Variants in PAG1 observed in about 807,000 individuals in gnomAD.
PAG1 encodes the protein phosphoprotein membrane anchor with glycosphingolipid microdomains 1, also known as phosphoprotein associated with glycosphingolipid-enriched microdomains 1.
PAG1 carries 23 observed loss-of-function variants against 31.7 expected under a neutral mutation model. That is an observed-to-expected ratio of 0.73 (90% CI 0.52 to 1.03). The LOEUF (loss-of-function observed/expected upper bound fraction) is 1.03, where lower values mean the gene tolerates loss of function less well. PAG1 is among the 50% of genes least tolerant of loss of function. The pLI is 0.00. For missense variants in PAG1, 473 were observed against 540.7 expected (o/e 0.87, Z 1.24); for synonymous variants, 214 against 210.3 (o/e 1.02, Z -0.15).
chr8:81,026,746 TCTTC>T (rs1458209493), intron 3 of PAG1, among the ~76,000 whole-genome samples: 4 of 152,130 alleles, frequency 2.6e-5, no homozygotes, highest in Non-Finnish European at 4.4e-5. Context: ...CACGAAGGTG[TCTTC>T]CAGGGACCTG....
intron 1 of PAG1, among the ~76,000 whole-genome samples, chr8:81,104,924 A>G (rs902502715): frequency 2.0e-5 from 3 of 152,146 alleles, no homozygotes; most frequent in African/African-American, 7.2e-5. Flanking sequence ...AAGTGGCTCC[A>G]GCCTCCGCTC....
chr8:81,022,902 T>G (rs1808214435), intron 3 of PAG1, among the ~76,000 whole-genome samples: 1 of 152,138 alleles, frequency 6.6e-6, no homozygotes, highest in Non-Finnish European at 1.5e-5. Context: ...TTAATCTCCC[T>G]TCTGCAACTG....
intron 2 of PAG1, among the ~76,000 whole-genome samples, chr8:81,066,312 G>A (rs1809006323): frequency 6.6e-6 from 1 of 152,200 alleles, no homozygotes; most frequent in Non-Finnish European, 1.5e-5. Context: ...TTTTACACTT[G>A]CAAGCATCGC....
chr8:81,024,810 G>A (rs1250643218), intron 3 of PAG1, among the ~76,000 whole-genome samples: 3 of 152,106 alleles, frequency 2.0e-5, no homozygotes, highest in Non-Finnish European at 4.4e-5. Flanking sequence ...TAACCATGAA[G>A]GATTTCACAG....
chr8:81,109,135 C>A (rs1366570779), intron 1 of PAG1, among the ~76,000 whole-genome samples: 1 of 152,206 alleles, frequency 6.6e-6, no homozygotes, highest in East Asian at 1.9e-4. Flanking sequence ...CAACAGAATC[C>A]ACTTCAAATT....
At chr8:81,077,674 G>C (rs1010717367) in intron 1 of PAG1, among the ~76,000 whole-genome samples, 1 of 152,166 alleles carries the variant, frequency 6.6e-6, no homozygotes. Flanking sequence ...GGATATAAAA[G>C]AAAAATGCTG....
At chr8:80,988,294 T>C (rs959894417) in intron 5 of PAG1, among the ~76,000 whole-genome samples, 1 of 152,138 alleles carries the variant, frequency 6.6e-6, no homozygotes, top group African/African-American at 2.4e-5. Flanking sequence ...ATGAGAAACG[T>C]GGAAAGGCAT....
chr8:81,062,446 G>A (rs1808933629), intron 2 of PAG1, among the ~76,000 whole-genome samples: 1 of 152,158 alleles, frequency 6.6e-6, no homozygotes, highest in African/African-American at 2.4e-5. Context: ...TGGGCTATGG[G>A]GCATCAGATG....
rs145008878 is a variant in PAG1, at chr8:80,976,651, C to A, written c.1192G>T (p.Glu398Ter). The change falls in exon 9 of 9, where the codon GAA becomes TAA. Residue 398 changes from glutamate to a stop codon, truncating the protein, a stop_gained. Transcript: ENST00000220597. LOFTEE classifies it high-confidence loss of function. ...CCATTGGTCCCCAGGGTGGCCTTTT[C>A]TTCCTCTCTGTTGAGAGTCTGTATC... ...EAIQTLNREE[E>*]KATLGTNGHH... 9.9e-5 allele frequency: 160 copies of A among 1,614,052 alleles called. No individual in the cohort carries two copies. The highest frequency in any genetic ancestry group is 1.3e-4 in the Non-Finnish European group (155 of 1,180,030).
intron 2 of PAG1, among the ~76,000 whole-genome samples, chr8:81,039,166 T>C (rs181354875): frequency 1.8e-4 from 27 of 152,310 alleles, no homozygotes; most frequent in Non-Finnish European, 3.1e-4. Context: ...CATGTGCCTA[T>C]GTGACGCTTT....
chr8:81,019,911 G>C (rs924551993), intron 3 of PAG1, among the ~76,000 whole-genome samples: 1 of 152,174 alleles, frequency 6.6e-6, no homozygotes, highest in Non-Finnish European at 1.5e-5. Flanking sequence ...AGCCAGGAGT[G>C]GGGATGTACC....
rs866925649 is a variant in PAG1 at position 81,017,062 on chromosome 8, G to T, written c.-81+12934C>A. Among the ~76,000 whole-genome samples, 12 of 152,238 alleles carry T rather than the reference G, an allele frequency of 7.9e-5. No homozygotes were observed. In the South Asian group the frequency reaches 1.2e-3, roughly 16 times the overall value. ...TTGCATGAGTGAACCTGGCCAAGAC[G>T]AGAGGATTGCCCAGCTGAGCCCAGC... is the stretch of plus-strand genomic sequence containing the variant. On this transcript the variant is annotated intron_variant, in intron 3 of 8. Coordinates refer to ENST00000220597, the MANE Select transcript of PAG1 (RefSeq NM_018440.4).
chr8:81,048,388 G>A (rs565413212), intron 2 of PAG1, among the ~76,000 whole-genome samples: 94 of 152,150 alleles, frequency 6.2e-4, no homozygotes, highest in African/African-American at 2.1e-3. Context: ...CATGTCTAAT[G>A]GGCAATTTGG....
chr8:80,999,108 C>T (rs1179588384), intron 3 of PAG1, among the ~76,000 whole-genome samples: 1 of 152,188 alleles, frequency 6.6e-6, no homozygotes, highest in Non-Finnish European at 1.5e-5. Flanking sequence ...CCTCAAGCCC[C>T]AGAAAGAGTT....
chr8:81,045,528 G>A (rs1036090147), intron 2 of PAG1, among the ~76,000 whole-genome samples: 32 of 152,220 alleles, frequency 2.1e-4, no homozygotes, highest in African/African-American at 7.7e-4. Context: ...GAAGGAGGGT[G>A]AGATGGGGAA....
chr8:81,098,161 G>A (rs1809556466), intron 1 of PAG1, among the ~76,000 whole-genome samples: 1 of 152,184 alleles, frequency 6.6e-6, no homozygotes, highest in Admixed American at 6.5e-5. Flanking sequence ...CCACTGGCCT[G>A]CAGTTATAGT....
chr8:81,025,964 C>T lies in PAG1; in HGVS notation c.-81+4032G>A, dbSNP rs116140286. On this transcript the variant is annotated intron_variant, in intron 3 of 8. Coordinates refer to ENST00000220597, the MANE Select transcript of PAG1 (RefSeq NM_018440.4). ...CAGTTAAGCAAGCTCTGCTATGGTC[C>T]AGGAGACACCCGTGTTTAGACGCAT... Among the ~76,000 whole-genome samples the T allele has an allele frequency of 6.4e-3, 971 of 152,128 alleles. 5 individuals carry two copies. Among genetic ancestry groups the T allele is most frequent in the African/African-American group, 0.022 (929 of 41,502 alleles).
chr8:81,012,913 A>T (rs28502248), intron 3 of PAG1, among the ~76,000 whole-genome samples: 15,740 of 152,114 alleles, frequency 0.1, 874 homozygotes, highest in Middle Eastern at 0.18. Context: ...AATTTAAAAA[A>T]TTTTTTTTCA....
At chr8:81,056,067 C>G (rs1259391879) in intron 2 of PAG1, among the ~76,000 whole-genome samples, 1 of 152,116 alleles carries the variant, frequency 6.6e-6, no homozygotes, top group Admixed American at 6.6e-5. Flanking sequence ...TAGTTTTTGC[C>G]CATTCAGTAT....
Sources: gnomAD v4.1 joint callset for allele counts (sites outside exome capture counted in the v4.1 genomes callset) on GRCh38, gnomAD v4.1.1 for gene constraint, MANE v1.5 for transcripts, NCBI Gene and HGNC (gene_info 2026-07-23, HGNC 2026-07-21) for gene names.